ASTN1: variants seen among roughly 807,000 people sequenced by gnomAD.
ASTN1 encodes astrotactin-1.
A neutral mutation model predicts 140.7 loss-of-function variants in ASTN1; 41 were observed. That is an observed-to-expected ratio of 0.29 (90% CI 0.23 to 0.38). The LOEUF (loss-of-function observed/expected upper bound fraction) is 0.38, where lower values mean the gene tolerates loss of function less well. Ranked by LOEUF, ASTN1 falls within the 10% of genes least tolerant of loss-of-function variation. The probability of loss-of-function intolerance (pLI) is 1.00; values close to 1 mark genes in which losing one functional copy is unlikely to be tolerated. For synonymous variants in ASTN1, 640 were observed against 652.2 expected, an observed-to-expected ratio of 0.98 and a Z score of 0.29; for missense variants, 1,479 against 1,678.8, an observed-to-expected ratio of 0.88 and a Z score of 2.08.
intron 1 of ASTN1, among the ~76,000 whole-genome samples, chr1:177,069,129 A>T (rs1255251654): frequency 6.6e-6 from 1 of 152,154 alleles, no homozygotes; most frequent in Non-Finnish European, 1.5e-5. Context: ...TTATAAGGTA[A>T]GGAGTGGCTG....
Position 176,876,642 on chromosome 1 carries a change from C to G in ASTN1, c.3363-5G>C. The G allele has an allele frequency of 6.2e-7, 1 of 1,613,884 alleles. No homozygotes were observed. Among genetic ancestry groups the G allele is most frequent in the South Asian group, 1.1e-5 (1 of 91,046 alleles). ...TCCACTCCCCACAGCGTGAACCTGG[C>G]AGGGAGTGGGAGGGCATGGTTAGCA... On this transcript the variant is annotated splice_polypyrimidine_tract_variant and splice_region_variant and intron_variant, in intron 20 of 22. Coordinates refer to ENST00000361833, the MANE Select transcript of ASTN1 (RefSeq NM_004319.3).
At chr1:177,162,996 G>A (rs1700232092) in intron 1 of ASTN1, among the ~76,000 whole-genome samples, 1 of 152,138 alleles carries the variant, frequency 6.6e-6, no homozygotes, top group South Asian at 2.1e-4. Flanking sequence ...CTTTTCAAAG[G>A]GCCAGGCAAT....
intron 16 of ASTN1, among the ~76,000 whole-genome samples, chr1:176,921,010 A>G (rs368676667): frequency 6.6e-6 from 1 of 152,206 alleles, no homozygotes; most frequent in African/African-American, 2.4e-5. Context: ...ATCAGATTGG[A>G]AAACTGTCTA....
In ASTN1 at chr1:177,146,241, A is replaced by G. The variant is rs576999784; in HGVS notation, c.283+18153T>C. Among the ~76,000 whole-genome samples the G allele has an allele frequency of 9.2e-5, 14 of 152,312 alleles. No individual in the cohort carries two copies. In the South Asian group the frequency reaches 2.7e-3, roughly 29 times the overall value. On this transcript the variant is annotated intron_variant, in intron 1 of 22. Coordinates refer to ENST00000361833, the MANE Select transcript of ASTN1 (RefSeq NM_004319.3). ...ACTTCTTTAGCAAATACACTACACC[A>G]TGTTATTTTGGATGAAATCGATGAA... is the stretch of plus-strand genomic sequence containing the variant.
chr1:176,957,979 AC>A, intron 10 of ASTN1, 151 bp from the exon 11 acceptor site: 1 of 1,084,984 alleles, frequency 9.2e-7, no homozygotes, highest in Non-Finnish European at 1.3e-6. Context: ...CAAGCCTTGA[AC>A]TAACAAACGA....
At position 177,155,689 on chromosome 1, in the gene ASTN1, G is replaced by A. The variant is rs74895908; in HGVS notation, c.283+8705C>T. ...CTCATTGTTGGAGTAGGATAAGCAA[G>A]GGGAGGAAGCAAGATGATTCACGAA... On this transcript the variant is annotated intron_variant, in intron 1 of 22. Transcript: ENST00000361833. Among the ~76,000 whole-genome samples, 880 of 152,284 alleles carry A rather than the reference G, an allele frequency of 5.8e-3. 8 individuals carry two copies. Among genetic ancestry groups the A allele is most frequent in the African/African-American group, 0.02 (844 of 41,548 alleles).
chr1:176,904,211 G>C (rs1284703396), intron 16 of ASTN1, among the ~76,000 whole-genome samples: 1 of 152,150 alleles, frequency 6.6e-6, no homozygotes, highest in Non-Finnish European at 1.5e-5. Flanking sequence ...AGCCTGTGAG[G>C]ACTCACTTAT....
intron 14 of ASTN1, among the ~76,000 whole-genome samples, chr1:176,942,835 T>TACATATAC (rs1557977984): frequency 4.7e-5 from 1 of 21,338 alleles, no homozygotes; most frequent in African/African-American, 2.0e-4. Flanking sequence ...TATATATATA[T>TACATATAC]GTATATATAT....
intron 11 of ASTN1, among the ~76,000 whole-genome samples, chr1:176,954,165 C>A (rs911470356): frequency 9.2e-5 from 14 of 152,162 alleles, no homozygotes; most frequent in African/African-American, 3.4e-4. Context: ...GTGAAGATAT[C>A]ACCTCACATG....
At position 177,134,350 on chromosome 1, in the gene ASTN1, C is replaced by T. The variant is rs79779917; in HGVS notation, c.283+30044G>A. 2.5e-3 allele frequency among the ~76,000 whole-genome samples: 380 copies of T among 152,330 alleles called. 1 individual carries two copies. Among genetic ancestry groups the T allele is most frequent in the African/African-American group, 8.7e-3 (360 of 41,564 alleles). ...CTCCATTGCACGGGTCTAATCAGCT[C>T]TTACAGTTCTGATCTTGTTAGAGAA... On this transcript the variant is annotated intron_variant, in intron 1 of 22. Transcript: ENST00000361833.
At chr1:177,070,681 A>G (rs986803126) in intron 1 of ASTN1, among the ~76,000 whole-genome samples, 2 of 152,160 alleles carry the variant, frequency 1.3e-5, no homozygotes, top group African/African-American at 4.8e-5. Flanking sequence ...TGTATTTTAG[A>G]GATGAGGAAC....
intron 8 of ASTN1, among the ~76,000 whole-genome samples, chr1:177,001,404 T>C (rs1466607065): frequency 2.0e-5 from 3 of 152,238 alleles, no homozygotes; most frequent in East Asian, 1.9e-4. Flanking sequence ...CCATCACTTA[T>C]TGAGTACCTA....
rs552287636 is a variant in ASTN1, at chr1:177,037,580, A to G, written c.472-4731T>C. Among the ~76,000 whole-genome samples, 13 of 152,376 alleles carry G rather than the reference A, an allele frequency of 8.5e-5. No homozygotes were observed. The South Asian group carries it at 2.7e-3, about 32-fold the overall frequency. ...CAATTTTTATAGCCATTGGAAAAAC[A>G]AAGACAAAACATTACAGTATATCTG... On this transcript the variant is annotated intron_variant, in intron 2 of 22. Transcript: ENST00000361833.
intron 1 of ASTN1, among the ~76,000 whole-genome samples, chr1:177,115,426 CT>C (rs1323643047): frequency 6.6e-6 from 1 of 152,120 alleles, no homozygotes; most frequent in Non-Finnish European, 1.5e-5. Flanking sequence ...AATCCCAGCA[CT>C]TTGGGAGGCC....
At chr1:177,157,857 CTAT>C (rs1426603899) in intron 1 of ASTN1, among the ~76,000 whole-genome samples, 1 of 151,972 alleles carries the variant, frequency 6.6e-6, no homozygotes, top group African/African-American at 2.4e-5. Flanking sequence ...TAAAATTGTA[CTAT>C]TTTTTTCAGC....
chr1:177,098,432 A>G (rs913579717), intron 1 of ASTN1, among the ~76,000 whole-genome samples: 2 of 152,190 alleles, frequency 1.3e-5, no homozygotes, highest in African/African-American at 4.8e-5. Context: ...CACTTAGCAA[A>G]GCTGACATGT....
chr1:176,898,686 G>C (rs1239189345), intron 16 of ASTN1, among the ~76,000 whole-genome samples: 1 of 152,090 alleles, frequency 6.6e-6, no homozygotes, highest in East Asian at 1.9e-4. Flanking sequence ...GTGAACAGTG[G>C]GGGAGGTTTG....
At chr1:177,096,285 G>C (rs886078869) in intron 1 of ASTN1, among the ~76,000 whole-genome samples, 1 of 152,180 alleles carries the variant, frequency 6.6e-6, no homozygotes, top group African/African-American at 2.4e-5. Flanking sequence ...GCTGGAATGA[G>C]TTAATACTTT....
intron 2 of ASTN1, among the ~76,000 whole-genome samples, chr1:177,036,887 T>A (rs1571689382): frequency 6.6e-6 from 1 of 152,266 alleles, no homozygotes; most frequent in East Asian, 1.9e-4. Context: ...AGGTGTGATC[T>A]TGGCCCACTG....
Sources: gnomAD v4.1 joint callset for allele counts (sites outside exome capture counted in the v4.1 genomes callset) on GRCh38, gnomAD v4.1.1 for gene constraint, MANE v1.5 for transcripts, NCBI Gene and HGNC (gene_info 2026-07-23, HGNC 2026-07-21) for gene names.